Variants in CIT observed in about 807,000 individuals in gnomAD.
The protein encoded by CIT is citron rho-interacting serine/threonine kinase, also known as citron Rho-interacting kinase.
In CIT, 79 loss-of-function variants were observed where a neutral mutation model predicts 272.7. That is an observed-to-expected ratio of 0.29 (90% CI 0.24 to 0.35). CIT has a LOEUF of 0.35. CIT is among the 10% of genes least tolerant of loss of function. The pLI, the probability that CIT is intolerant of heterozygous loss-of-function variation, is 1.00. For missense variants in CIT, 1,909 were observed against 2,618.3 expected, an observed-to-expected ratio of 0.73 and a Z score of 5.91; for synonymous variants, 948 against 995.6, an observed-to-expected ratio of 0.95 and a Z score of 0.90.
chr12:119,840,150 C>G (rs1278498097), intron 5 of CIT, among the ~76,000 whole-genome samples: 1 of 152,108 alleles, frequency 6.6e-6, no homozygotes, highest in Non-Finnish European at 1.5e-5. Context: ...GACCCCCATC[C>G]TTACAAAAAA....
At chr12:119,825,416 C>T in intron 7 of CIT, 48 bp from the exon 8 acceptor site, 4 of 1,542,360 alleles carry the variant, frequency 2.6e-6, no homozygotes, top group Non-Finnish European at 3.6e-6. Flanking sequence ...CAATTATCCT[C>T]AAGTAGACTG....
At chr12:119,783,637 C>T (rs144190855) in intron 12 of CIT, 4 of 284,492 alleles carry the variant, frequency 1.4e-5, no homozygotes, top group South Asian at 1.2e-4. Flanking sequence ...TTGCAACTTG[C>T]GGCAAAGATG....
chr12:119,845,223 G>A (rs549230860), intron 5 of CIT, among the ~76,000 whole-genome samples: 1 of 152,124 alleles, frequency 6.6e-6, no homozygotes, highest in Non-Finnish European at 1.5e-5. Flanking sequence ...CGATGCCAGT[G>A]GTGAGATCAT....
chr12:119,819,854 A>C (rs983101771), intron 9 of CIT, among the ~76,000 whole-genome samples: 9 of 152,280 alleles, frequency 5.9e-5, no homozygotes, highest in African/African-American at 1.9e-4. Context: ...CAATGTTTTC[A>C]ATCACAAATC....
intron 3 of CIT, among the ~76,000 whole-genome samples, chr12:119,858,778 C>T (rs1237921752): frequency 6.6e-6 from 1 of 151,570 alleles, no homozygotes; most frequent in Non-Finnish European, 1.5e-5. Flanking sequence ...GCCGAGATCA[C>T]ACCACTGCAC....
intron 10 of CIT, among the ~76,000 whole-genome samples, chr12:119,797,610 C>T (rs182360306): frequency 3.9e-5 from 6 of 152,298 alleles, no homozygotes; most frequent in South Asian, 2.1e-4. Context: ...GTAGCAGAGA[C>T]GACTCTGTTA....
chr12:119,828,550 A>G (rs1968346895), intron 7 of CIT, among the ~76,000 whole-genome samples: 1 of 151,874 alleles, frequency 6.6e-6, no homozygotes, highest in Non-Finnish European at 1.5e-5. Flanking sequence ...GATAGGGCCC[A>G]AGTACTACTT....
intron 32 of CIT, among the ~76,000 whole-genome samples, chr12:119,716,025 C>A (rs1192586014): frequency 6.6e-6 from 1 of 152,128 alleles, no homozygotes; most frequent in African/African-American, 2.4e-5. Flanking sequence ...TCAGTGGACA[C>A]CACAGCCAGA....
chr12:119,701,505 C>A (rs887626014), intron 43 of CIT, 119 bp downstream of exon 43: 27 of 1,166,614 alleles, frequency 2.3e-5, no homozygotes, highest in African/African-American at 3.1e-5. Flanking sequence ...GAAGGACATT[C>A]TCTGTACCCC....
At position 119,718,595 on chromosome 12, in the gene CIT, C is replaced by T; in HGVS notation, c.4003+104G>A. The stretch of plus-strand genomic sequence containing the variant: ...GATGTCTGGTCTGAAAGCGTATGGG[C>T]CATAAACGAAGACACTGAGCTAGTT... On this transcript the variant is annotated intron_variant, in intron 31 of 47. Transcript: ENST00000392521. This position sits in a 1 kb window ranked among gnomAD's most constrained non-coding sequence, Gnocchi z 4.8. The T allele has an allele frequency of 1.3e-6, 2 of 1,493,240 alleles. No individual in the cohort carries two copies. Among genetic ancestry groups the T allele is most frequent in the East Asian group, 2.3e-5 (1 of 44,050 alleles). The allele number at this position is 1,493,240 out of a possible 1,614,324, so 92.5% of individuals were successfully genotyped here. A position where few individuals can be genotyped will look rare whatever the true frequency, so the allele number is the denominator to read the frequency against.
intron 22 of CIT, 29 bp downstream of exon 22, chr12:119,757,342 C>T: frequency 6.2e-7 from 1 of 1,611,728 alleles, no homozygotes; most frequent in Non-Finnish European, 8.5e-7. Context: ...CCCAGCAAAT[C>T]CTCCCAGGAG....
At chr12:119,722,970 G>A (rs1407394779) in intron 28 of CIT, among the ~76,000 whole-genome samples, 2 of 152,046 alleles carry the variant, frequency 1.3e-5, no homozygotes, top group Non-Finnish European at 2.9e-5. Flanking sequence ...TGGGAGGATC[G>A]CTTGAGCCCA....
At chr12:119,783,806 C>T (rs972574454) in intron 12 of CIT, 102 bp downstream of exon 12, 8 of 1,385,916 alleles carry the variant, frequency 5.8e-6, no homozygotes, top group Admixed American at 4.6e-5. Flanking sequence ...TACTCTCTGC[C>T]ATTGGCTGTG....
At chr12:119,866,521 C>T (rs1332324025) in intron 3 of CIT, among the ~76,000 whole-genome samples, 3 of 152,152 alleles carry the variant, frequency 2.0e-5, no homozygotes, top group Admixed American at 1.3e-4. Context: ...ATCACAACTA[C>T]TCAAATGCTG....
At chr12:119,844,917 G>A (rs1285086732) in intron 5 of CIT, among the ~76,000 whole-genome samples, 3 of 151,832 alleles carry the variant, frequency 2.0e-5, no homozygotes, top group Admixed American at 1.3e-4. Context: ...TCAGAAGATC[G>A]AGACCATCCT....
chr12:119,754,070 G>A (rs278134), intron 22 of CIT, among the ~76,000 whole-genome samples: 108,544 of 152,072 alleles, frequency 0.71, 39,397 homozygotes, highest in Middle Eastern at 0.86. Flanking sequence ...TGGTGATGAC[G>A]ACGATGTCAC....
In CIT at chr12:119,800,055, C is replaced by T. The variant is rs568193825; in HGVS notation, c.1295+3151G>A. ...AGGAAAAACCTAAATAAATGTACCC[C>T]TTGCTAATGGGAAGGAAAAGAGCTG... On this transcript the variant is annotated intron_variant, in intron 10 of 47. Transcript: ENST00000392521. Among the ~76,000 whole-genome samples, 4 of 152,102 alleles carry T rather than the reference C, an allele frequency of 2.6e-5. No homozygotes were observed. The East Asian group carries it at 7.8e-4, about 30-fold the overall frequency.
Position 119,757,481 on chromosome 12 carries a change from C to T in CIT, c.2596G>A (p.Gly866Arg). The T allele has an allele frequency of 6.2e-7, 1 of 1,614,212 alleles. No homozygotes were observed. The highest frequency in any genetic ancestry group is 8.5e-7 in the Non-Finnish European group (1 of 1,180,036). ...QQKFYLETQAGKLEAQNRKLE... is the reference protein window; with the variant it reads ...QQKFYLETQARKLEAQNRKLE... Reference sequence around the variant, plus strand: ...TTTCGGTTCTGGGCCTCCAACTTCCCAGCCTGTGTCTCCAGGTAAAATTTC... The same window carrying T: ...TTTCGGTTCTGGGCCTCCAACTTCCTAGCCTGTGTCTCCAGGTAAAATTTC... The change falls in exon 22 of 48, where the codon GGG (glycine) becomes AGG (arginine). Residue 866 changes from glycine (G) to arginine (R), a missense_variant. Coordinates refer to ENST00000392521, the MANE Select transcript of CIT (RefSeq NM_001206999.2).
At position 119,833,110 on chromosome 12, in the gene CIT, A is replaced by G. The variant is rs982875935; in HGVS notation, c.660-246T>C. On this transcript the variant is annotated intron_variant, in intron 6 of 47. Transcript: ENST00000392521. ...AGGGCGAGAGGGAGCAAGGAAGGAT[A>G]GGAGAGAAAGAAAAGGAAGAGAAAT... Among the ~76,000 whole-genome samples the G allele has an allele frequency of 4.6e-5, 7 of 152,172 alleles. 1 individual carries two copies. The highest frequency in any genetic ancestry group is 4.6e-4 in the Admixed American group (7 of 15,272).
Sources: gnomAD v4.1 joint callset for allele counts (sites outside exome capture counted in the v4.1 genomes callset) on GRCh38, gnomAD v4.1.1 for gene constraint, Gnocchi (gnomAD v3.1) non-coding constraint, MANE v1.5 for transcripts, NCBI Gene and HGNC (gene_info 2026-07-23, HGNC 2026-07-21) for gene names.